XXYLT1: variants seen among roughly 807,000 people sequenced by gnomAD.
The protein encoded by XXYLT1 is xyloside xylosyltransferase 1, also known as UDP-xylose:alpha-xyloside alpha-1,3-xylosyltransferase.
XXYLT1 carries 20 observed loss-of-function variants against 28.9 expected under a neutral mutation model. The ratio of observed to expected loss-of-function variants is 0.69; its 90% CI spans 0.49 to 1.00. The LOEUF is 1.00. Ranked by LOEUF, XXYLT1 falls within the 50% of genes least tolerant of loss-of-function variation. XXYLT1 has a pLI of 0.00. For synonymous variants in XXYLT1, 257 were observed against 253.8 expected (o/e 1.01, Z -0.12); for missense variants, 542 against 560.1 (o/e 0.97, Z 0.33).
chr3:195,137,263 T>A (rs751472534), intron 3 of XXYLT1, among the ~76,000 whole-genome samples: 29 of 152,174 alleles, frequency 1.9e-4, no homozygotes, highest in Non-Finnish European at 3.4e-4. Flanking sequence ...AACTGAAGTT[T>A]GAGATGCTTT....
intron 2 of XXYLT1, chr3:195,207,287 G>C (rs148532718): frequency 3.1e-5 from 11 of 352,542 alleles, no homozygotes; most frequent in African/African-American, 4.3e-5. Context: ...CACCAGGCCC[G>C]GGAGACTCAG....
chr3:195,190,313 G>A (rs1722364108), intron 2 of XXYLT1, among the ~76,000 whole-genome samples: 1 of 151,940 alleles, frequency 6.6e-6, no homozygotes. Context: ...TGGTCAACAT[G>A]GTAAAACCCC....
In XXYLT1 at chr3:195,107,466, C is replaced by A; in HGVS notation, c.786-37355G>T. 3.1e-5 allele frequency among the ~76,000 whole-genome samples: 2 copies of A among 64,030 alleles called. 1 individual carries two copies. Among genetic ancestry groups the A allele is most frequent in the Admixed American group, 3.5e-4 (2 of 5,644 alleles). The allele number at this position is 64,030 out of a possible 152,430, so 42.0% of individuals were successfully genotyped here. A position where few individuals can be genotyped will look rare whatever the true frequency, so the allele number is the denominator to read the frequency against. On this transcript the variant is annotated intron_variant, in intron 3 of 3. Coordinates refer to ENST00000310380, the MANE Select transcript of XXYLT1 (RefSeq NM_152531.5). ...TTCAGCCTGGGCAACAAGAGCAAAA[C>A]TCCGTCTCAAAAAAAAAAAAAAAAG... is the stretch of plus-strand genomic sequence containing the variant.
At chr3:195,079,285 C>T (rs183804868) in intron 3 of XXYLT1, among the ~76,000 whole-genome samples, 239 of 152,164 alleles carry the variant, frequency 1.6e-3, no homozygotes, top group Non-Finnish European at 2.5e-3. Context: ...AGAGAACAGA[C>T]GCCAGGGAGC....
intron 3 of XXYLT1, among the ~76,000 whole-genome samples, chr3:195,119,225 A>C (rs569325437): frequency 6.6e-6 from 1 of 150,676 alleles, no homozygotes; most frequent in East Asian, 2.0e-4. Context: ...TGGAGGTTGC[A>C]GTGAGCCGAG....
intron 3 of XXYLT1, among the ~76,000 whole-genome samples, chr3:195,144,937 G>C (rs1165604046): frequency 6.6e-6 from 1 of 152,114 alleles, no homozygotes; most frequent in African/African-American, 2.4e-5. Flanking sequence ...CTCTGCTCTG[G>C]TTATTCTTTG....
intron 3 of XXYLT1, among the ~76,000 whole-genome samples, chr3:195,153,146 C>T (rs1720369245): frequency 1.3e-5 from 2 of 152,244 alleles, no homozygotes; most frequent in South Asian, 2.1e-4. Context: ...CATTCCCATC[C>T]TCTTCCTTCT....
chr3:195,164,684 C>A (rs756883179), intron 2 of XXYLT1, among the ~76,000 whole-genome samples: 2 of 152,210 alleles, frequency 1.3e-5, no homozygotes, highest in Non-Finnish European at 2.9e-5. Context: ...CCTTGGGGTA[C>A]CCATACCATA....
At chr3:195,246,208 C>T (rs556521041) in intron 1 of XXYLT1, among the ~76,000 whole-genome samples, 3 of 152,246 alleles carry the variant, frequency 2.0e-5, no homozygotes, top group African/African-American at 7.2e-5. Context: ...TTGACTCAGG[C>T]GCTCCTAACA....
At chr3:195,227,397 C>T (rs1321450468) in intron 1 of XXYLT1, among the ~76,000 whole-genome samples, 1 of 152,054 alleles carries the variant, frequency 6.6e-6, no homozygotes, top group East Asian at 1.9e-4. Context: ...AAATGGAACC[C>T]GGAAACTGCT....
chr3:195,104,644 T>A (rs1267865066), intron 3 of XXYLT1, among the ~76,000 whole-genome samples: 1 of 152,170 alleles, frequency 6.6e-6, no homozygotes, highest in Non-Finnish European at 1.5e-5. Context: ...CTGCTGCTGT[T>A]CAGCTGAGGC....
Position 195,162,143 on chromosome 3 carries a change from A to C in XXYLT1, c.653-5562T>G, listed in dbSNP as rs578164634. On this transcript the variant is annotated intron_variant, in intron 2 of 3. Coordinates refer to ENST00000310380, the MANE Select transcript of XXYLT1 (RefSeq NM_152531.5). ...CACTTGACAAATGAGGAAATCGAGA[A>C]GTATAATAATCCAAGATCACGCAGC... 1.3e-4 allele frequency among the ~76,000 whole-genome samples: 19 copies of C among 151,970 alleles called. No homozygotes were observed. In the East Asian group the frequency reaches 3.7e-3, roughly 29 times the overall value.
At chr3:195,118,757 T>C (rs1011728507) in intron 3 of XXYLT1, among the ~76,000 whole-genome samples, 4 of 151,994 alleles carry the variant, frequency 2.6e-5, no homozygotes, top group African/African-American at 9.7e-5. Flanking sequence ...GGGCCTGGAG[T>C]TGACAGCGCC....
chr3:195,104,883 T>C (rs1226483136), intron 3 of XXYLT1, among the ~76,000 whole-genome samples: 1 of 152,182 alleles, frequency 6.6e-6, no homozygotes, highest in Non-Finnish European at 1.5e-5. Context: ...TGTCTACAGT[T>C]AGAATAAACC....
chr3:195,236,529 C>A (rs2108816450), intron 1 of XXYLT1, among the ~76,000 whole-genome samples: 1 of 151,534 alleles, frequency 6.6e-6, no homozygotes, highest in East Asian at 2.0e-4. Flanking sequence ...TCCAGAAATG[C>A]TATCCCAGAG....
intron 1 of XXYLT1, among the ~76,000 whole-genome samples, chr3:195,247,278 G>A (rs1016771763): frequency 1.3e-5 from 2 of 152,180 alleles, no homozygotes; most frequent in Non-Finnish European, 2.9e-5. Context: ...CACAGTCCAC[G>A]TATTCACCAA....
At position 195,195,294 on chromosome 3, in the gene XXYLT1, A is replaced by G. The variant is rs1343527243; in HGVS notation, c.652+31415T>C. Among the ~76,000 whole-genome samples, 12 of 152,326 alleles carry G rather than the reference A, an allele frequency of 7.9e-5. No individual in the cohort carries two copies. In the South Asian group the frequency reaches 2.1e-3, roughly 26 times the overall value. On this transcript the variant is annotated intron_variant, in intron 2 of 3. Coordinates refer to ENST00000310380, the MANE Select transcript of XXYLT1 (RefSeq NM_152531.5). This position sits in a 1 kb window ranked among gnomAD's most constrained non-coding sequence, Gnocchi z 4.4. ...GTCTCAGTAAGCCTTCTGTATTAGC[A>G]GTTATTATTATTACAGTCATACTCA...
intron 3 of XXYLT1, among the ~76,000 whole-genome samples, chr3:195,131,024 C>T (rs141002181): frequency 6.6e-6 from 1 of 152,312 alleles, no homozygotes; most frequent in Non-Finnish European, 1.5e-5. Context: ...CAAGCAGGAC[C>T]ATTCAGGTCC....
intron 3 of XXYLT1, among the ~76,000 whole-genome samples, chr3:195,109,682 T>C (rs1047666075): frequency 2.1e-5 from 1 of 46,594 alleles, no homozygotes; most frequent in African/African-American, 8.1e-5. Flanking sequence ...GTGTGTTGTA[T>C]GAGTGTGTGT....
Sources: gnomAD v4.1 joint callset for allele counts (sites outside exome capture counted in the v4.1 genomes callset) on GRCh38, gnomAD v4.1.1 for gene constraint, Gnocchi (gnomAD v3.1) non-coding constraint, MANE v1.5 for transcripts, NCBI Gene and HGNC (gene_info 2026-07-23, HGNC 2026-07-21) for gene names.